Variants in MAML2 observed in about 807,000 individuals in gnomAD.
The protein encoded by MAML2 is mastermind-like protein 2.
A neutral mutation model predicts 96.1 loss-of-function variants in MAML2; 22 were observed. The ratio of observed to expected loss-of-function variants is 0.23; its 90% confidence interval spans 0.16 to 0.33. The LOEUF (loss-of-function observed/expected upper bound fraction) is 0.33. MAML2 is among the 10% of genes least tolerant of loss of function. MAML2 has a pLI of 1.00. For missense variants in MAML2, 1,367 were observed against 1,392.4 expected, an observed-to-expected ratio of 0.98 and a Z score of 0.29; for synonymous variants, 561 against 521.3, an observed-to-expected ratio of 1.08 and a Z score of -1.04.
intron 2 of MAML2, among the ~76,000 whole-genome samples, chr11:96,002,542 A>G (rs2135718970): frequency 7.1e-6 from 1 of 141,114 alleles, no homozygotes. Context: ...GATGAAGATG[A>G]TGATGGGGAT....
At chr11:96,140,803 C>T (rs1483162916) in intron 1 of MAML2, among the ~76,000 whole-genome samples, 2 of 152,148 alleles carry the variant, frequency 1.3e-5, no homozygotes, top group African/African-American at 4.8e-5. Context: ...AGCCTATGGG[C>T]TAAGGAGGTC....
At chr11:96,082,663 G>T (rs1321723303) in intron 2 of MAML2, among the ~76,000 whole-genome samples, 1 of 152,218 alleles carries the variant, frequency 6.6e-6, no homozygotes, top group Admixed American at 6.5e-5. Flanking sequence ...TAACTAGAAC[G>T]CCAGTTACTG....
chr11:96,083,519 C>T (rs1298668389), intron 2 of MAML2, among the ~76,000 whole-genome samples: 1 of 152,132 alleles, frequency 6.6e-6, no homozygotes, highest in Non-Finnish European at 1.5e-5. Flanking sequence ...CTGACTAGAA[C>T]TGGAAGGACT....
chr11:96,210,744 T>C (rs73529210), intron 1 of MAML2, among the ~76,000 whole-genome samples: 8,957 of 152,254 alleles, frequency 0.059, 857 homozygotes, highest in African/African-American at 0.2. Context: ...TAAATGTTAC[T>C]ATAAATATTA....
intron 1 of MAML2, among the ~76,000 whole-genome samples, chr11:96,316,924 G>A (rs960702196): frequency 2.6e-5 from 4 of 152,320 alleles, no homozygotes; most frequent in Admixed American, 2.0e-4. Context: ...GCACATAGAA[G>A]AGCAGATAGT....
intron 1 of MAML2, among the ~76,000 whole-genome samples, chr11:96,140,915 T>C (rs1164540354): frequency 6.6e-6 from 1 of 152,180 alleles, no homozygotes; most frequent in Non-Finnish European, 1.5e-5. Flanking sequence ...TTCAAATGGC[T>C]TTATTTGCTG....
intron 2 of MAML2, among the ~76,000 whole-genome samples, chr11:96,048,422 T>C (rs1043115578): frequency 6.6e-6 from 1 of 152,212 alleles, no homozygotes; most frequent in Non-Finnish European, 1.5e-5. Context: ...GATGAAATCA[T>C]GCCAATAAAA....
chr11:96,205,314 C>G (rs1303337067), intron 1 of MAML2, among the ~76,000 whole-genome samples: 3 of 152,208 alleles, frequency 2.0e-5, no homozygotes. Context: ...TCCCAGGGAC[C>G]ATCCCCGGGC....
intron 1 of MAML2, among the ~76,000 whole-genome samples, chr11:96,155,963 A>C (rs538128724): frequency 5.9e-5 from 9 of 152,324 alleles, no homozygotes; most frequent in African/African-American, 2.2e-4. Flanking sequence ...AGGATCACTG[A>C]CATAACAAGC....
chr11:96,277,917 C>CTT (rs55884794), intron 1 of MAML2, among the ~76,000 whole-genome samples: 230 of 142,396 alleles, frequency 1.6e-3, no homozygotes, highest in Middle Eastern at 7.4e-3. Context: ...TCTGTGGGAA[C>CTT]TTTTTTTTTT....
intron 2 of MAML2, among the ~76,000 whole-genome samples, chr11:96,071,653 G>A (rs1202223906): frequency 1.3e-5 from 2 of 152,222 alleles, no homozygotes; most frequent in Non-Finnish European, 2.9e-5. Flanking sequence ...ATCTGGTCTT[G>A]ATGTTCTGTA....
intron 1 of MAML2, among the ~76,000 whole-genome samples, chr11:96,103,309 GCA>G (rs1859964898): frequency 6.6e-6 from 1 of 152,112 alleles, no homozygotes; most frequent in East Asian, 1.9e-4. Context: ...GACTTATCAG[GCA>G]CCTAGTGGCC....
chr11:96,267,596 TTA>T (rs1451191798), intron 1 of MAML2, among the ~76,000 whole-genome samples: 1 of 152,230 alleles, frequency 6.6e-6, no homozygotes, highest in Non-Finnish European at 1.5e-5. Context: ...AGGTTCATTA[TTA>T]ACGGGCTGGT....
At chr11:96,212,463 C>G (rs888038159) in intron 1 of MAML2, among the ~76,000 whole-genome samples, 1 of 152,148 alleles carries the variant, frequency 6.6e-6, no homozygotes, top group African/African-American at 2.4e-5. Flanking sequence ...AAGAGGCAAT[C>G]TGGAAGGCAA....
At chr11:96,234,405 C>T (rs964972531) in intron 1 of MAML2, among the ~76,000 whole-genome samples, 6 of 152,140 alleles carry the variant, frequency 3.9e-5, no homozygotes, top group African/African-American at 9.7e-5. Flanking sequence ...CACTTGAACC[C>T]GGGAGGCGGA....
At chr11:96,234,148 C>T (rs1349906047) in intron 1 of MAML2, among the ~76,000 whole-genome samples, 1 of 152,176 alleles carries the variant, frequency 6.6e-6, no homozygotes, top group Non-Finnish European at 1.5e-5. Flanking sequence ...TGATCTAACT[C>T]CAATATACCT....
At chr11:96,215,731 G>T (rs1445978360) in intron 1 of MAML2, among the ~76,000 whole-genome samples, 3 of 151,362 alleles carry the variant, frequency 2.0e-5, no homozygotes, top group African/African-American at 7.3e-5. Flanking sequence ...GAGCCCAGCT[G>T]CAGCCACCCC....
At chr11:96,251,060 C>T (rs770601920) in intron 1 of MAML2, among the ~76,000 whole-genome samples, 7 of 152,154 alleles carry the variant, frequency 4.6e-5, no homozygotes, top group South Asian at 4.1e-4. Context: ...AATTTTATAT[C>T]GCTAGCAATA....
intron 2 of MAML2, among the ~76,000 whole-genome samples, chr11:96,034,009 T>C (rs1389592495): frequency 6.6e-6 from 1 of 152,142 alleles, no homozygotes; most frequent in Non-Finnish European, 1.5e-5. Context: ...TTTCCTATTA[T>C]TTTTATCCCC....
Sources: gnomAD v4.1 joint callset for allele counts (sites outside exome capture counted in the v4.1 genomes callset) on GRCh38, gnomAD v4.1.1 for gene constraint, MANE v1.5 for transcripts, NCBI Gene and HGNC (gene_info 2026-07-23, HGNC 2026-07-21) for gene names.